The following LOC128125814 variants were observed in gnomAD, a reference collection of about 807,000 sequenced individuals.
At chr12:57,518,250 A>G in the LOC128125814 span, among the ~76,000 whole-genome samples, 1 of 152,148 alleles carries the variant, frequency 6.6e-6, no homozygotes, top group African/African-American at 2.4e-5. Flanking sequence ...TTAGTTGCTG[A>G]CATTTGTAGT....
the LOC128125814 span, chr12:57,520,317 T>A: frequency 2.5e-6 from 1 of 397,748 alleles, no homozygotes; most frequent in Non-Finnish European, 4.4e-6. Context: ...TCTCGGACGG[T>A]CCCTAACTTC....
the LOC128125814 span, among the ~76,000 whole-genome samples, chr12:57,519,434 C>T: frequency 2.2e-4 from 33 of 152,170 alleles, no homozygotes; most frequent in African/African-American, 7.7e-4. Flanking sequence ...CTGTGTGGCA[C>T]ACAGTAGGTC....
the LOC128125814 span, among the ~76,000 whole-genome samples, chr12:57,518,944 G>A: frequency 1.3e-5 from 2 of 152,176 alleles, no homozygotes; most frequent in Non-Finnish European, 2.9e-5. Context: ...ACAGGTGTGA[G>A]CCACCATGCC....
At chr12:57,519,398 C>G in the LOC128125814 span, 1 of 367,222 alleles carries the variant, frequency 2.7e-6, no homozygotes, top group South Asian at 2.0e-5. Flanking sequence ...TTTCCTCTTG[C>G]TCAAGGATGT....
chr12:57,518,105 ACC>A, the LOC128125814 span, among the ~76,000 whole-genome samples: 1 of 151,948 alleles, frequency 6.6e-6, no homozygotes, highest in African/African-American at 2.4e-5. Context: ...GGCATGAGCT[ACC>A]GTGCTGGGCC....
the LOC128125814 span, among the ~76,000 whole-genome samples, chr12:57,518,187 T>G: frequency 1.3e-5 from 2 of 152,178 alleles, no homozygotes; most frequent in Non-Finnish European, 2.9e-5. Flanking sequence ...GTATGCATAC[T>G]TGGTCCCTGT....
the LOC128125814 span, chr12:57,520,328 A>T: frequency 1.0e-5 from 4 of 398,076 alleles, no homozygotes; most frequent in East Asian, 1.4e-4. Context: ...CCCTAACTTC[A>T]CTGTGGAGGA....
At chr12:57,519,241 G>C in the LOC128125814 span, 1 of 531,626 alleles carries the variant, frequency 1.9e-6, no homozygotes, top group African/African-American at 1.9e-5. Context: ...GAAGGGTTTT[G>C]AGTGGAGGAA....
the LOC128125814 span, among the ~76,000 whole-genome samples, chr12:57,518,513 T>C: frequency 6.6e-6 from 1 of 152,244 alleles, no homozygotes; most frequent in East Asian, 1.9e-4. Context: ...CCTAAGACTA[T>C]GTGCAAAGGC....
the LOC128125814 span, chr12:57,519,348 TTATA>T: frequency 5.2e-6 from 2 of 387,808 alleles, no homozygotes; most frequent in Non-Finnish European, 1.0e-5. Flanking sequence ...TCCGTGGCAC[TTATA>T]TTTTGTTTAC....
chr12:57,518,721 C>T, the LOC128125814 span, among the ~76,000 whole-genome samples: 725 of 152,314 alleles, frequency 4.8e-3, 1 homozygote, highest in Non-Finnish European at 5.6e-3. Context: ...AAGGCAGTGG[C>T]GCAATCGGCT....
At chr12:57,520,401 T>G in the LOC128125814 span, 1 of 398,414 alleles carries the variant, frequency 2.5e-6, no homozygotes, top group South Asian at 1.3e-4. Context: ...AAAAGGTAGA[T>G]GGGAATCAGT....
At chr12:57,519,287 C>T in the LOC128125814 span, 2 of 499,536 alleles carry the variant, frequency 4.0e-6, no homozygotes, top group African/African-American at 2.0e-5. Context: ...TGATGTAACA[C>T]TCTGACCTCC....
the LOC128125814 span, chr12:57,517,791 AG>A: frequency 2.3e-6 from 1 of 428,564 alleles, no homozygotes; most frequent in Non-Finnish European, 4.1e-6. Context: ...CATTTTTGGA[AG>A]GGGGAGAGGC....
chr12:57,518,139 GC>G, the LOC128125814 span, among the ~76,000 whole-genome samples: 8,970 of 152,092 alleles, frequency 0.059, 869 homozygotes, highest in African/African-American at 0.2. Context: ...TTTACCTCCA[GC>G]CTCCTACTGG....
chr12:57,519,362 C>A, the LOC128125814 span: 1 of 377,348 alleles, frequency 2.7e-6, no homozygotes, highest in Admixed American at 3.3e-5. Flanking sequence ...ATTTTGTTTA[C>A]TGTAGGCCTC....
At chr12:57,519,466 A>AT in the LOC128125814 span, among the ~76,000 whole-genome samples, 360 of 152,334 alleles carry the variant, frequency 2.4e-3, 1 homozygote, top group African/African-American at 8.2e-3. Flanking sequence ...TTTGTTAAGA[A>AT]TGAATGGATA....
the LOC128125814 span, among the ~76,000 whole-genome samples, chr12:57,519,618 G>T: frequency 6.6e-6 from 1 of 152,206 alleles, no homozygotes; most frequent in Non-Finnish European, 1.5e-5. Flanking sequence ...GCCTTCCAGT[G>T]TGTGGGACTT....
the LOC128125814 span, chr12:57,520,399 GATGGGAATCAGT>G: frequency 2.5e-6 from 1 of 398,572 alleles, no homozygotes; most frequent in Non-Finnish European, 4.4e-6. Flanking sequence ...GTAAAAGGTA[GATGGGAATCAGT>G]ACTCGCCTCT....
Sources: gnomAD v4.1 joint callset for allele counts (sites outside exome capture counted in the v4.1 genomes callset) on GRCh38, gnomAD v4.1.1 for gene constraint, MANE v1.5 for transcripts.